SNX29: variants seen among roughly 807,000 people sequenced by gnomAD.
SNX29 encodes the protein sorting nexin-29.
Under a neutral mutation model 102.1 loss-of-function variants are expected in SNX29, and 78 were observed. The observed-to-expected ratio is 0.76, with a 90% CI of 0.64 to 0.92. SNX29 has a LOEUF of 0.92. SNX29 is among the 40% of genes least tolerant of loss of function. The pLI, the probability that SNX29 is intolerant of heterozygous loss-of-function variation, is 0.00. For missense variants in SNX29, 1,280 were observed against 1,061.7 expected (o/e 1.21, Z -2.86); for synonymous variants, 580 against 414.5 (o/e 1.40, Z -4.85).
At chr16:12,564,279 TAA>T (rs1196976959) in intron 20 of SNX29, among the ~76,000 whole-genome samples, 1 of 152,212 alleles carries the variant, frequency 6.6e-6, no homozygotes, top group East Asian at 1.9e-4. Context: ...CCTCTACCAG[TAA>T]AAGTTCCTAT....
At chr16:12,528,113 C>T (rs1398628337) in intron 20 of SNX29, among the ~76,000 whole-genome samples, 1 of 152,148 alleles carries the variant, frequency 6.6e-6, no homozygotes, top group Non-Finnish European at 1.5e-5. Context: ...GTGTGAGCCA[C>T]CGCACCTGGC....
chr16:12,208,960 G>C (rs1351717109), intron 14 of SNX29, among the ~76,000 whole-genome samples: 2 of 152,168 alleles, frequency 1.3e-5, no homozygotes, highest in South Asian at 2.1e-4. Flanking sequence ...GGGGCTGGTA[G>C]AAGGTCTGTT....
At chr16:12,230,385 C>CT (rs1275668957) in intron 14 of SNX29, among the ~76,000 whole-genome samples, 22 of 152,212 alleles carry the variant, frequency 1.4e-4, no homozygotes, top group African/African-American at 5.3e-4. Context: ...AACCCATCTG[C>CT]TGGACCTGCA....
intron 20 of SNX29, among the ~76,000 whole-genome samples, chr16:12,566,618 C>G (rs544188109): frequency 3.3e-5 from 5 of 152,324 alleles, no homozygotes; most frequent in South Asian, 2.1e-4. Context: ...TTCCCCTACA[C>G]TGCAAGCAAA....
chr16:12,262,070 G>A lies in SNX29; in HGVS notation c.1679-15863G>A, dbSNP rs866573056. 1.0e-4 allele frequency among the ~76,000 whole-genome samples: 15 copies of A among 143,266 alleles called. 1 individual carries two copies. Among genetic ancestry groups the A allele is most frequent in the Non-Finnish European group, 1.5e-4 (10 of 65,452 alleles). The allele number at this position is 143,266 out of a possible 152,430, so 94.0% of individuals were successfully genotyped here. On this transcript the variant is annotated intron_variant, in intron 14 of 20. Transcript: ENST00000566228. ...GCTGGAGTGAGTGTTTGCTGAGCTC[G>A]GGTCTGTGCGCGCGTCCCCGGCTGA...
At chr16:12,538,157 C>T (rs887103137) in intron 20 of SNX29, among the ~76,000 whole-genome samples, 1 of 152,100 alleles carries the variant, frequency 6.6e-6, no homozygotes. Context: ...ACTCTGTCAC[C>T]CAGAATAGAG....
At chr16:12,276,017 C>T (rs112433307) in intron 14 of SNX29, among the ~76,000 whole-genome samples, 1,984 of 151,694 alleles carry the variant, frequency 0.013, 46 homozygotes, top group African/African-American at 0.046. Flanking sequence ...TTCAGCCCTC[C>T]GAGTAGCTGG....
chr16:12,377,793 C>T (rs576649503), intron 16 of SNX29, among the ~76,000 whole-genome samples: 2 of 152,248 alleles, frequency 1.3e-5, no homozygotes, highest in African/African-American at 4.8e-5. Context: ...TTTCAGTTTC[C>T]TGAGTTGTAG....
At chr16:12,322,542 CA>C (rs927321005) in intron 15 of SNX29, among the ~76,000 whole-genome samples, 1 of 152,118 alleles carries the variant, frequency 6.6e-6, no homozygotes, top group Non-Finnish European at 1.5e-5. Context: ...ATATACAAAA[CA>C]AAAATCAGGA....
chr16:12,513,336 C>T (rs2089717654), intron 19 of SNX29, among the ~76,000 whole-genome samples: 1 of 143,228 alleles, frequency 7.0e-6, no homozygotes, highest in South Asian at 2.3e-4. Context: ...CCTGCCTGCC[C>T]TGCCCTGCCC....
chr16:12,483,658 A>G (rs1474515678), intron 19 of SNX29, among the ~76,000 whole-genome samples: 1 of 152,162 alleles, frequency 6.6e-6, no homozygotes, highest in Non-Finnish European at 1.5e-5. Context: ...GTTTAGGCCA[A>G]GGTAACAATT....
At chr16:12,480,327 C>T (rs900385902) in intron 19 of SNX29, among the ~76,000 whole-genome samples, 4 of 152,132 alleles carry the variant, frequency 2.6e-5, no homozygotes, top group Non-Finnish European at 5.9e-5. Flanking sequence ...TTCTCAAGGC[C>T]ACCCTCATTT....
rs375526472 is a variant in SNX29 at position 12,177,892 on chromosome 16, T to C, written c.1596-21709T>C. On this transcript the variant is annotated intron_variant, in intron 13 of 20. Transcript: ENST00000566228. ...TCCCCCTGCCCTCACGGAGCTTAGG[T>C]TCTTGTTGGGAGAACACTCTGTGCC... Among the ~76,000 whole-genome samples the C allele has an allele frequency of 6.6e-5, 10 of 152,194 alleles. No homozygotes were observed. In the South Asian group the frequency reaches 8.3e-4, roughly 13 times the overall value.
At position 12,572,564 on chromosome 16, in the gene SNX29, G is replaced by T. The variant is rs1373137603; in HGVS notation, c.*3935G>T. 1.9e-6 allele frequency: 2 copies of T among 1,063,902 alleles called. No individual in the cohort carries two copies. Among genetic ancestry groups the T allele is most frequent in the African/African-American group, 1.6e-5 (1 of 60,968 alleles). 65.9% of individuals were successfully genotyped at this position (1,063,902 alleles called of 1,614,324 possible). A position where few individuals can be genotyped will look rare whatever the true frequency, so the allele number is the denominator to read the frequency against. ...GCGACACCATCTGGCTCCTCACAGG[G>T]AGGTCCAGCCATGTTCTCTGGGCTC... On this transcript the variant is annotated 3_prime_UTR_variant, in exon 21 of 21. Transcript: ENST00000566228.
At position 11,984,005 on chromosome 16, in the gene SNX29, T is replaced by C. The variant is rs567664301; in HGVS notation, c.7+7192T>C. Reference sequence around the variant, plus strand: ...TTGTATCTGTGGTATTACTTTTTCATGGAGGGGATGATTAGCAAAAAAGTG... The same window carrying C: ...TTGTATCTGTGGTATTACTTTTTCACGGAGGGGATGATTAGCAAAAAAGTG... On this transcript the variant is annotated intron_variant, in intron 1 of 20. Coordinates refer to ENST00000566228, the MANE Select transcript of SNX29 (RefSeq NM_032167.5). 2.0e-5 allele frequency among the ~76,000 whole-genome samples: 3 copies of C among 152,262 alleles called. No homozygotes were observed. The South Asian group carries it at 6.2e-4, about 32-fold the overall frequency.
At position 12,403,325 on chromosome 16, in the gene SNX29, C is replaced by T. The variant is rs576472527; in HGVS notation, c.1956-123C>T. On this transcript the variant is annotated intron_variant, in intron 17 of 20. Coordinates refer to ENST00000566228, the MANE Select transcript of SNX29 (RefSeq NM_032167.5). ...TGCCATCAGGTGTGATGTAAGTTGT[C>T]ATAAATTGCTTGTGCATAATACCTC... is the stretch of plus-strand genomic sequence containing the variant. 30 of 861,568 alleles carry T rather than the reference C, an allele frequency of 3.5e-5. 1 individual carries two copies. Among genetic ancestry groups the T allele is most frequent in the Middle Eastern group, 6.9e-4 (2 of 2,894 alleles). 53.4% of individuals were successfully genotyped at this position (861,568 alleles called of 1,614,324 possible).
chr16:12,249,610 A>T (rs2078363126), intron 14 of SNX29, among the ~76,000 whole-genome samples: 1 of 152,238 alleles, frequency 6.6e-6, no homozygotes, highest in African/African-American at 2.4e-5. Flanking sequence ...CTGAATCTTC[A>T]TGTAACCACT....
At chr16:12,538,553 C>T (rs891444156) in intron 20 of SNX29, among the ~76,000 whole-genome samples, 2 of 152,068 alleles carry the variant, frequency 1.3e-5, no homozygotes, top group Non-Finnish European at 2.9e-5. Flanking sequence ...GGCTAGGAGG[C>T]TTAACTGGTC....
chr16:12,149,097 T>C (rs1190957363), intron 13 of SNX29, among the ~76,000 whole-genome samples: 1 of 152,212 alleles, frequency 6.6e-6, no homozygotes, highest in Admixed American at 6.5e-5. Context: ...GTTGAATGAA[T>C]AAATGAGCAT....
Sources: gnomAD v4.1 joint callset for allele counts (sites outside exome capture counted in the v4.1 genomes callset) on GRCh38, gnomAD v4.1.1 for gene constraint, MANE v1.5 for transcripts, NCBI Gene and HGNC (gene_info 2026-07-23, HGNC 2026-07-21) for gene names.